CSNK1G2: variants seen among roughly 807,000 people sequenced by gnomAD.
The protein encoded by CSNK1G2 is casein kinase I isoform gamma-2.
Under a neutral mutation model 48.0 loss-of-function variants are expected in CSNK1G2, and 11 were observed. The observed-to-expected ratio is 0.23, with a 90% CI of 0.14 to 0.38. CSNK1G2 has a LOEUF of 0.38. Among genes scored for constraint, CSNK1G2 ranks in the 10% least tolerant of loss-of-function variants. The probability of loss-of-function intolerance (pLI) is 1.00; values close to 1 mark genes in which losing one functional copy is unlikely to be tolerated. For missense variants in CSNK1G2, 446 were observed against 595.5 expected, an observed-to-expected ratio of 0.75 and a Z score of 2.61; for synonymous variants, 337 against 254.1, an observed-to-expected ratio of 1.33 and a Z score of -3.10.
rs78938489 is a variant in CSNK1G2 at position 1,975,520 on chromosome 19, C to T, written c.188-2785C>T. On this transcript the variant is annotated intron_variant, in intron 2 of 11. Transcript: ENST00000255641. ...CAAACCCCATCCTCCCTGTGAGCCG[C>T]GGCACAGCACCAGGCGGGCACACGC... The T allele has an allele frequency of 1.9e-3, 1,856 of 985,442 alleles. 24 individuals are homozygous for T. In the African/African-American group the frequency reaches 0.03, roughly 16 times the overall value. The allele number at this position is 985,442 out of a possible 1,614,324, so 61.0% of individuals were successfully genotyped here.
chr19:1,979,132 C>T (rs1262053243), intron 6 of CSNK1G2, 31 bp from the exon 7 acceptor site: 10 of 1,558,322 alleles, frequency 6.4e-6, no homozygotes, highest in South Asian at 2.3e-5. Flanking sequence ...GGCGCCCGGA[C>T]CCCGCTGAGG....
intron 1 of CSNK1G2, among the ~76,000 whole-genome samples, chr19:1,961,629 G>A (rs1457287441): frequency 6.6e-6 from 1 of 152,216 alleles, no homozygotes; most frequent in Non-Finnish European, 1.5e-5. Flanking sequence ...ACGGCGCCCA[G>A]TCCCTGTGCT....
rs138246338 is a variant in CSNK1G2 at position 1,969,323 on chromosome 19, A to G, written c.-265-185A>G. Reference sequence around the variant, plus strand: ...GCCACGCCGAGATCTCTGGCCTCTGATGTCATGTGATGTGTGCTTCCCAGC... The same window carrying G: ...GCCACGCCGAGATCTCTGGCCTCTGGTGTCATGTGATGTGTGCTTCCCAGC... On this transcript the variant is annotated intron_variant, in intron 1 of 11. Coordinates refer to ENST00000255641, the MANE Select transcript of CSNK1G2 (RefSeq NM_001319.7). Among the ~76,000 whole-genome samples the G allele has an allele frequency of 5.1e-3, 750 of 147,662 alleles. 8 individuals carry two copies. Among genetic ancestry groups the G allele is most frequent in the African/African-American group, 0.018 (705 of 39,794 alleles).
chr19:1,969,464 C>T (rs573774846), intron 1 of CSNK1G2, 44 bp from the exon 2 acceptor site: 6 of 216,364 alleles, frequency 2.8e-5, no homozygotes, highest in Non-Finnish European at 3.6e-5. Flanking sequence ...AGTGGCCCCG[C>T]GGGGGCCTTG....
chr19:1,975,692 T>C (rs1421265211), intron 2 of CSNK1G2: 1 of 982,428 alleles, frequency 1.0e-6, no homozygotes, highest in Non-Finnish European at 1.2e-6. Context: ...CAGGGGGCAG[T>C]GTCCTGAGCT....
intron 1 of CSNK1G2, chr19:1,953,715 G>A (rs1330732141): frequency 1.5e-5 from 6 of 389,230 alleles, no homozygotes; most frequent in Non-Finnish European, 2.1e-5. Context: ...CAGCCTCGCC[G>A]TCCCCCACAT....
At chr19:1,962,228 A>G (rs956908819) in intron 1 of CSNK1G2, among the ~76,000 whole-genome samples, 7 of 151,156 alleles carry the variant, frequency 4.6e-5, no homozygotes, top group Non-Finnish European at 1.0e-4. Context: ...GCTACTCGGG[A>G]GGCTGAGGCA....
chr19:1,948,175 T>G (rs954305090), intron 1 of CSNK1G2, among the ~76,000 whole-genome samples: 2 of 152,142 alleles, frequency 1.3e-5, no homozygotes, highest in Non-Finnish European at 2.9e-5. Context: ...GCCCTGTCCC[T>G]CCCCCTCTCA....
chr19:1,979,908 C>A lies in CSNK1G2; in HGVS notation c.1087-3C>A. 6.2e-7 allele frequency: 1 copy of A among 1,607,774 alleles called. No individual in the cohort carries two copies. The highest frequency in any genetic ancestry group is 2.2e-5 in the East Asian group (1 of 44,736). On this transcript the variant is annotated splice_region_variant and splice_polypyrimidine_tract_variant and intron_variant, in intron 10 of 11. Transcript: ENST00000255641. ...CAGCGTGACCCCCTACTGCCCCCAC[C>A]AGGCGTTGAACTCCACCAACGGGGA...
chr19:1,972,921 G>T (rs1599324330), intron 2 of CSNK1G2, among the ~76,000 whole-genome samples: 2 of 144,562 alleles, frequency 1.4e-5, no homozygotes, highest in South Asian at 4.4e-4. Flanking sequence ...ACCGCGCCTC[G>T]CCTGCTTTGT....
intron 2 of CSNK1G2, among the ~76,000 whole-genome samples, chr19:1,970,861 C>A (rs1040226840): frequency 6.6e-6 from 1 of 152,154 alleles, no homozygotes; most frequent in East Asian, 1.9e-4. Context: ...GGCAGTGGAT[C>A]GGCCTCACGT....
chr19:1,966,490 G>T (rs533836126), intron 1 of CSNK1G2, among the ~76,000 whole-genome samples: 1 of 152,222 alleles, frequency 6.6e-6, no homozygotes, highest in Non-Finnish European at 1.5e-5. Flanking sequence ...AGTTGCTTCA[G>T]TTGCGCTCTA....
At chr19:1,942,848 T>A (rs2014419003) in intron 1 of CSNK1G2, among the ~76,000 whole-genome samples, 1 of 152,120 alleles carries the variant, frequency 6.6e-6, no homozygotes, top group Admixed American at 6.5e-5. Flanking sequence ...TTTGTTTTGT[T>A]TTCCCCTGTG....
chr19:1,976,012 G>A, intron 2 of CSNK1G2: 1 of 1,236,012 alleles, frequency 8.1e-7, no homozygotes. Flanking sequence ...TCCAGCCTGG[G>A]CAACAGAACG....
chr19:1,974,444 A>G (rs956658191), intron 2 of CSNK1G2, among the ~76,000 whole-genome samples: 1 of 152,158 alleles, frequency 6.6e-6, no homozygotes, highest in Admixed American at 6.6e-5. Context: ...CCCCAGCCCC[A>G]GCAGTGCTGG....
At chr19:1,964,453 T>C (rs1370305184) in intron 1 of CSNK1G2, among the ~76,000 whole-genome samples, 1 of 152,112 alleles carries the variant, frequency 6.6e-6, no homozygotes, top group African/African-American at 2.4e-5. Context: ...CCCAGGACTT[T>C]CCTCGTGTGG....
chr19:1,947,585 C>T (rs997074134), intron 1 of CSNK1G2, among the ~76,000 whole-genome samples: 1 of 152,160 alleles, frequency 6.6e-6, no homozygotes, highest in African/African-American at 2.4e-5. Context: ...CGGACTGGCC[C>T]GTGTCTGCCT....
intron 1 of CSNK1G2, among the ~76,000 whole-genome samples, chr19:1,945,714 C>T (rs761134660): frequency 1.3e-5 from 2 of 151,642 alleles, no homozygotes; most frequent in Non-Finnish European, 1.5e-5. Context: ...CCCAGCTACT[C>T]GAGAGGCTGA....
At position 1,962,525 on chromosome 19, in the gene CSNK1G2, C is replaced by T. The variant is rs940776203; in HGVS notation, c.-265-6983C>T. 4.0e-5 allele frequency among the ~76,000 whole-genome samples: 6 copies of T among 148,692 alleles called. No homozygotes were observed. In the South Asian group the frequency reaches 1.3e-3, roughly 32 times the overall value. The stretch of plus-strand genomic sequence containing the variant: ...CTACAAAAAAAAAAAATTAGCCAGA[C>T]ATGGGGGTCCATGCCTGTGGTCCCA... On this transcript the variant is annotated intron_variant, in intron 1 of 11. Transcript: ENST00000255641.
Sources: allele counts gnomAD v4.1 joint callset (sites outside exome capture counted in the v4.1 genomes callset), GRCh38; gene constraint gnomAD v4.1.1; transcripts MANE v1.5; gene names NCBI Gene and HGNC (gene_info 2026-07-23, HGNC 2026-07-21).